PAPPA2: variants seen among roughly 807,000 people sequenced by gnomAD.
PAPPA2 encodes pappalysin-2.
Under a neutral mutation model 176.4 loss-of-function variants are expected in PAPPA2, and 86 were observed. The ratio of observed to expected loss-of-function variants is 0.49; its 90% CI spans 0.41 to 0.58. The LOEUF is 0.58. Among genes scored for constraint, PAPPA2 ranks in the 20% least tolerant of loss-of-function variants. The pLI, the probability that PAPPA2 is intolerant of heterozygous loss-of-function variation, is 0.00. For missense variants in PAPPA2, 2,073 were observed against 2,256.9 expected, an observed-to-expected ratio of 0.92 and a Z score of 1.65; for synonymous variants, 809 against 852.2, an observed-to-expected ratio of 0.95 and a Z score of 0.88.
At chr1:176,784,883 G>A (rs578234058) in intron 17 of PAPPA2, among the ~76,000 whole-genome samples, 16 of 152,256 alleles carry the variant, frequency 1.1e-4, no homozygotes, top group African/African-American at 3.4e-4. Context: ...ACCGCGCCCG[G>A]CCAGATGATT....
intron 3 of PAPPA2, among the ~76,000 whole-genome samples, chr1:176,603,571 C>T (rs1283590540): frequency 1.3e-5 from 2 of 152,188 alleles, no homozygotes; most frequent in Non-Finnish European, 2.9e-5. Context: ...GAGCGCTGTC[C>T]AATGGTTGTG....
intron 12 of PAPPA2, among the ~76,000 whole-genome samples, chr1:176,713,389 A>G (rs1661229303): frequency 6.6e-6 from 1 of 152,078 alleles, no homozygotes; most frequent in Non-Finnish European, 1.5e-5. Flanking sequence ...CTAACATCAA[A>G]CTCAAGTTAA....
At chr1:176,584,802 T>G (rs1165518007) in intron 2 of PAPPA2, among the ~76,000 whole-genome samples, 1 of 152,164 alleles carries the variant, frequency 6.6e-6, no homozygotes, top group African/African-American at 2.4e-5. Flanking sequence ...GGGTGCCATC[T>G]CGGCGCAGTG....
At chr1:176,758,988 G>A (rs1663567689) in intron 14 of PAPPA2, among the ~76,000 whole-genome samples, 1 of 152,188 alleles carries the variant, frequency 6.6e-6, no homozygotes, top group Non-Finnish European at 1.5e-5. Context: ...ACTTGCCCAA[G>A]GTCCTAGAGG....
At chr1:176,576,698 C>T (rs902677648) in intron 2 of PAPPA2, among the ~76,000 whole-genome samples, 3 of 152,194 alleles carry the variant, frequency 2.0e-5, no homozygotes, top group East Asian at 1.9e-4. Flanking sequence ...GCATCAGTTT[C>T]TCCTGATAGT....
chr1:176,631,314 A>T (rs1258109702), intron 3 of PAPPA2, among the ~76,000 whole-genome samples: 1 of 152,190 alleles, frequency 6.6e-6, no homozygotes, highest in Non-Finnish European at 1.5e-5. Flanking sequence ...TTCCACTTAT[A>T]TTACATACCC....
intron 21 of PAPPA2, among the ~76,000 whole-genome samples, chr1:176,826,389 G>A (rs977930241): frequency 6.6e-6 from 1 of 152,176 alleles, no homozygotes; most frequent in African/African-American, 2.4e-5. Flanking sequence ...TGAAACAGAT[G>A]CAGTCAATCA....
At position 176,706,381 on chromosome 1, in the gene PAPPA2, G is replaced by C; in HGVS notation, c.3388G>C (p.Asp1130His). ...TAGGAGACTGGGAGAAGAGTGTGATGATGGAGACCTTGTGAGCGGAGATGG... is the reference window on the plus strand; with the variant it reads ...TAGGAGACTGGGAGAAGAGTGTGATCATGGAGACCTTGTGAGCGGAGATGG... ...VSERLGEECD[D>H]GDLVSGDGCS... Residue 1130 changes from aspartate to histidine, a missense_variant, in exon 10 of 23, where the codon GAT becomes CAT. This residue lies in a region of PAPPA2 where 846 missense variants were observed against 857.9 expected (regional missense o/e 0.99). Transcript: ENST00000367662. 1 of 1,613,758 alleles carries C rather than the reference G, an allele frequency of 6.2e-7. No individual in the cohort carries two copies. Among genetic ancestry groups the C allele is most frequent in the Non-Finnish European group, 8.5e-7 (1 of 1,179,760 alleles).
intron 18 of PAPPA2, among the ~76,000 whole-genome samples, chr1:176,790,800 A>G (rs1000023585): frequency 3.3e-5 from 5 of 152,224 alleles, no homozygotes; most frequent in African/African-American, 1.2e-4. Context: ...CGTGAAGCCA[A>G]GAGTTACACA....
intron 3 of PAPPA2, among the ~76,000 whole-genome samples, chr1:176,638,293 C>T (rs1389530277): frequency 1.3e-5 from 2 of 151,618 alleles, no homozygotes; most frequent in Non-Finnish European, 2.9e-5. Context: ...ACACAATGCA[C>T]ATTAGAAAAA....
At chr1:176,674,607 C>G (rs1659185241) in intron 4 of PAPPA2, among the ~76,000 whole-genome samples, 1 of 152,028 alleles carries the variant, frequency 6.6e-6, no homozygotes, top group Non-Finnish European at 1.5e-5. Flanking sequence ...CTTTTTATGG[C>G]TGAGTAGTAT....
chr1:176,842,625 T>G lies in PAPPA2; in HGVS notation c.*171T>G, dbSNP rs1265660243. 5 of 628,556 alleles carry G rather than the reference T, an allele frequency of 8.0e-6. No homozygotes were observed. The East Asian group carries it at 1.1e-4, about 14-fold the overall frequency. 38.9% of individuals were successfully genotyped at this position (628,556 alleles called of 1,614,324 possible). A position where few individuals can be genotyped will look rare whatever the true frequency, so the allele number is the denominator to read the frequency against. Reference sequence around the variant, plus strand: ...GAGGATATTGATAGGTGTGAACTAGTTCATCAAGTAGCCCAAGTAGGAGAG... The same window carrying G: ...GAGGATATTGATAGGTGTGAACTAGGTCATCAAGTAGCCCAAGTAGGAGAG... On this transcript the variant is annotated 3_prime_UTR_variant, in exon 23 of 23. Transcript: ENST00000367662.
intron 14 of PAPPA2, among the ~76,000 whole-genome samples, chr1:176,757,084 C>G (rs886257235): frequency 6.6e-6 from 1 of 152,216 alleles, no homozygotes; most frequent in African/African-American, 2.4e-5. Flanking sequence ...ATATGTGCCA[C>G]ATTTTCTTAT....
chr1:176,748,883 CTT>C (rs1354960243), intron 14 of PAPPA2, among the ~76,000 whole-genome samples: 3 of 152,172 alleles, frequency 2.0e-5, no homozygotes, highest in Non-Finnish European at 2.9e-5. Context: ...TAAGTACACT[CTT>C]TGATATTTGC....
intron 21 of PAPPA2, among the ~76,000 whole-genome samples, chr1:176,832,599 C>T (rs539260439): frequency 6.6e-6 from 1 of 152,098 alleles, no homozygotes; most frequent in South Asian, 2.1e-4. Flanking sequence ...GTGATCCACC[C>T]ACCTCGGCCT....
At position 176,688,845 on chromosome 1, in the gene PAPPA2, A is replaced by T. The variant is rs781550254; in HGVS notation, c.2138-1292A>T. 3.9e-5 allele frequency among the ~76,000 whole-genome samples: 6 copies of T among 152,204 alleles called. No individual in the cohort carries two copies. In the East Asian group the frequency reaches 1.2e-3, roughly 29 times the overall value. On this transcript the variant is annotated intron_variant, in intron 4 of 22. Transcript: ENST00000367662. ...GATACCCTGTGATTGTCTCCTGCCC[A>T]TAAGGCTGTGTATGTGGTTGTCTAA... is the stretch of plus-strand genomic sequence containing the variant.
intron 17 of PAPPA2, among the ~76,000 whole-genome samples, chr1:176,787,984 C>A (rs974709463): frequency 6.6e-6 from 1 of 151,650 alleles, no homozygotes; most frequent in East Asian, 1.9e-4. Context: ...CACTTGAACC[C>A]GGGAGGCAGA....
chr1:176,642,193 G>T (rs1259148944), intron 3 of PAPPA2, among the ~76,000 whole-genome samples: 1 of 151,820 alleles, frequency 6.6e-6, no homozygotes, highest in Non-Finnish European at 1.5e-5. Flanking sequence ...AATGAGGAAG[G>T]CATGATTATT....
At chr1:176,643,504 C>T (rs1657216042) in intron 3 of PAPPA2, among the ~76,000 whole-genome samples, 1 of 151,320 alleles carries the variant, frequency 6.6e-6, no homozygotes, top group African/African-American at 2.4e-5. Context: ...CTGAATTTGG[C>T]TTATACCATC....
Sources: gnomAD v4.1 joint callset for allele counts (sites outside exome capture counted in the v4.1 genomes callset) on GRCh38, gnomAD v4.1.1 for gene constraint, gnomAD v4.1.1 regional missense constraint, MANE v1.5 for transcripts, NCBI Gene and HGNC (gene_info 2026-07-23, HGNC 2026-07-21) for gene names.